ERP44: variants seen among roughly 807,000 people sequenced by gnomAD.
The protein encoded by ERP44 is endoplasmic reticulum protein 44.
In ERP44, 25 loss-of-function variants were observed where a neutral mutation model predicts 53.4. That is an observed-to-expected ratio of 0.47 (90% CI 0.34 to 0.65). The LOEUF is 0.65. Among genes scored for constraint, ERP44 ranks in the 30% least tolerant of loss-of-function variants. ERP44 has a pLI of 0.01. For synonymous variants in ERP44, 145 were observed against 161.2 expected (o/e 0.90, Z 0.76); for missense variants, 338 against 493.2 (o/e 0.69, Z 2.98).
intron 8 of ERP44, among the ~76,000 whole-genome samples, chr9:100,012,660 T>C (rs1830487563): frequency 6.6e-6 from 1 of 152,186 alleles, no homozygotes; most frequent in Admixed American, 6.5e-5. Flanking sequence ...GACATAAAAA[T>C]ACTAACTTAT....
chr9:100,043,624 G>A (rs1041640156), intron 4 of ERP44, among the ~76,000 whole-genome samples: 4 of 152,026 alleles, frequency 2.6e-5, no homozygotes, highest in African/African-American at 4.8e-5. Flanking sequence ...CCGTGGTGGC[G>A]CACACCTGTA....
chr9:100,007,364 A>G (rs545389609), intron 9 of ERP44, among the ~76,000 whole-genome samples: 2 of 152,208 alleles, frequency 1.3e-5, no homozygotes, highest in Non-Finnish European at 2.9e-5. Flanking sequence ...TTCTCTCCAA[A>G]ATAGTAATGG....
intron 4 of ERP44, among the ~76,000 whole-genome samples, chr9:100,040,472 C>T (rs1318436703): frequency 6.6e-6 from 1 of 152,172 alleles, no homozygotes; most frequent in Non-Finnish European, 1.5e-5. Context: ...AACATTCCTT[C>T]ATGATAAACA....
At chr9:100,080,543 G>T (rs1008325087) in intron 1 of ERP44, among the ~76,000 whole-genome samples, 5 of 151,984 alleles carry the variant, frequency 3.3e-5, no homozygotes, top group African/African-American at 1.2e-4. Flanking sequence ...CACTTAGGGA[G>T]ATTTTAATGA....
intron 1 of ERP44, among the ~76,000 whole-genome samples, chr9:100,065,175 T>A (rs543105103): frequency 1.3e-5 from 2 of 152,346 alleles, no homozygotes; most frequent in East Asian, 3.9e-4. Flanking sequence ...TATAACTTTT[T>A]ATCTTTTATA....
intron 4 of ERP44, among the ~76,000 whole-genome samples, chr9:100,028,174 G>A (rs1320241487): frequency 4.6e-5 from 7 of 152,214 alleles, no homozygotes; most frequent in Non-Finnish European, 1.0e-4. Context: ...GTATATGGGT[G>A]CATGTGCTAC....
At chr9:99,998,442 G>A in intron 10 of ERP44, 1 of 659,434 alleles carries the variant, frequency 1.5e-6, no homozygotes, top group Non-Finnish European at 2.8e-6. Context: ...TCCTTTCTGG[G>A]TGCCGGACCG....
intron 11 of ERP44, among the ~76,000 whole-genome samples, chr9:99,983,858 AC>A (rs1830172965): frequency 6.6e-6 from 1 of 152,226 alleles, no homozygotes; most frequent in Non-Finnish European, 1.5e-5. Context: ...TTACTATAAA[AC>A]AAACATTTAT....
chr9:100,075,136 C>T (rs911681330), intron 1 of ERP44, among the ~76,000 whole-genome samples: 2 of 152,150 alleles, frequency 1.3e-5, no homozygotes, highest in African/African-American at 4.8e-5. Flanking sequence ...GGTGGTGATT[C>T]CCAGCACATC....
At chr9:100,005,526 T>C (rs111983414) in intron 10 of ERP44, among the ~76,000 whole-genome samples, 9 of 152,374 alleles carry the variant, frequency 5.9e-5, no homozygotes, top group African/African-American at 2.2e-4. Flanking sequence ...CTTTATGGTT[T>C]ATAACATAAT....
intron 1 of ERP44, among the ~76,000 whole-genome samples, chr9:100,096,168 C>T (rs1043400055): frequency 1.3e-5 from 2 of 152,136 alleles, no homozygotes; most frequent in Admixed American, 1.3e-4. Context: ...ACCTAGGGTG[C>T]ATGAGACAAC....
chr9:100,060,644 T>C (rs1373476026), intron 1 of ERP44, among the ~76,000 whole-genome samples: 3 of 152,208 alleles, frequency 2.0e-5, no homozygotes, highest in Non-Finnish European at 4.4e-5. Context: ...GCCCTTCCGG[T>C]ATAATTTTCA....
intron 1 of ERP44, among the ~76,000 whole-genome samples, chr9:100,066,877 A>G (rs941489229): frequency 6.6e-6 from 1 of 152,226 alleles, no homozygotes; most frequent in African/African-American, 2.4e-5. Flanking sequence ...TTGGGTATCA[A>G]TCAAGGCACA....
intron 4 of ERP44, among the ~76,000 whole-genome samples, chr9:100,048,739 T>A (rs1268825969): frequency 6.6e-6 from 1 of 152,210 alleles, no homozygotes; most frequent in Non-Finnish European, 1.5e-5. Context: ...CTTGCGGACA[T>A]TATGCTAAGT....
At chr9:100,098,370 TGA>T (rs1826678529) in intron 1 of ERP44, among the ~76,000 whole-genome samples, 1 of 152,094 alleles carries the variant, frequency 6.6e-6, no homozygotes, top group Non-Finnish European at 1.5e-5. Flanking sequence ...CTAGACCCAG[TGA>T]GAGTCACACA....
chr9:99,997,944 G>A (rs904547720), intron 10 of ERP44, among the ~76,000 whole-genome samples: 1 of 151,438 alleles, frequency 6.6e-6, no homozygotes, highest in African/African-American at 2.4e-5. Context: ...CCCAAAGTGG[G>A]TGTCGTTCTC....
In ERP44 at chr9:100,098,688, A is replaced by G. The variant is rs1187023989; in HGVS notation, c.57+96T>C. ...GCACTCCAAAACACTGCAGGAAAAG[A>G]CGGAAAAGCAGGGGCAGGAGTAGCA... On this transcript the variant is annotated intron_variant, in intron 1 of 11. Transcript: ENST00000262455. 6 of 1,042,478 alleles carry G rather than the reference A, an allele frequency of 5.8e-6. No homozygotes were observed. The Admixed American group carries it at 9.5e-5, about 16-fold the overall frequency. 64.6% of individuals were successfully genotyped at this position (1,042,478 alleles called of 1,614,324 possible).
chr9:100,092,064 G>C (rs1826564535), intron 1 of ERP44, among the ~76,000 whole-genome samples: 1 of 152,172 alleles, frequency 6.6e-6, no homozygotes, highest in Non-Finnish European at 1.5e-5. Context: ...ATTGCAAATA[G>C]ACTTTCAAAT....
At chr9:100,067,225 C>G (rs543736910) in intron 1 of ERP44, among the ~76,000 whole-genome samples, 76 of 152,342 alleles carry the variant, frequency 5.0e-4, no homozygotes, top group African/African-American at 1.8e-3. Flanking sequence ...TTTCCACAGT[C>G]TCCCTCTGAT....
Sources: gnomAD v4.1 joint callset for allele counts (sites outside exome capture counted in the v4.1 genomes callset) on GRCh38, gnomAD v4.1.1 for gene constraint, MANE v1.5 for transcripts, NCBI Gene and HGNC (gene_info 2026-07-23, HGNC 2026-07-21) for gene names.